LRRTM4: variants seen among roughly 807,000 people sequenced by gnomAD.
LRRTM4 encodes leucine rich repeat transmembrane neuronal 4.
In LRRTM4, 25 loss-of-function variants were observed where a neutral mutation model predicts 47.6. That is an observed-to-expected ratio of 0.53 (90% CI 0.38 to 0.73). The LOEUF is 0.73. LRRTM4 is among the 30% of genes least tolerant of loss of function. The pLI, the probability that LRRTM4 is intolerant of heterozygous loss-of-function variation, is 0.00. For synonymous variants in LRRTM4, 311 were observed against 269.5 expected, an observed-to-expected ratio of 1.15 and a Z score of -1.51; for missense variants, 638 against 713.4, an observed-to-expected ratio of 0.89 and a Z score of 1.20.
intron 3 of LRRTM4, among the ~76,000 whole-genome samples, chr2:76,951,811 G>T (rs1017823253): frequency 4.6e-5 from 7 of 151,432 alleles, no homozygotes; most frequent in African/African-American, 1.5e-4. Context: ...GCCCCAGTGT[G>T]TGATGTTCCC....
intron 3 of LRRTM4, among the ~76,000 whole-genome samples, chr2:76,788,902 G>A (rs1003535173): frequency 1.3e-5 from 2 of 152,130 alleles, no homozygotes; most frequent in Non-Finnish European, 2.9e-5. Context: ...TCTGGATGCA[G>A]TGTTTCCTTT....
intron 3 of LRRTM4, among the ~76,000 whole-genome samples, chr2:76,903,322 G>A (rs1673707668): frequency 6.6e-6 from 1 of 152,100 alleles, no homozygotes; most frequent in Admixed American, 6.6e-5. Context: ...GTATCACGAG[G>A]TCAGGAGATT....
intron 3 of LRRTM4, among the ~76,000 whole-genome samples, chr2:76,890,182 T>C (rs899712361): frequency 2.2e-4 from 33 of 152,126 alleles, no homozygotes; most frequent in African/African-American, 7.9e-4. Context: ...ATGCTGAGAA[T>C]GCAAAGATTC....
At chr2:76,852,274 G>A (rs549007696) in intron 3 of LRRTM4, among the ~76,000 whole-genome samples, 29 of 152,196 alleles carry the variant, frequency 1.9e-4, no homozygotes, top group African/African-American at 6.5e-4. Context: ...ATAAACTGAA[G>A]GTATCATTCA....
intron 3 of LRRTM4, among the ~76,000 whole-genome samples, chr2:77,487,711 A>T (rs568148426): frequency 6.6e-6 from 1 of 152,224 alleles, no homozygotes; most frequent in South Asian, 2.1e-4. Context: ...AAGTCTGGGG[A>T]CCAGGCTGCC....
intron 3 of LRRTM4, among the ~76,000 whole-genome samples, chr2:76,965,185 T>C (rs558464056): frequency 2.6e-4 from 40 of 151,216 alleles, no homozygotes; most frequent in African/African-American, 8.4e-4. Flanking sequence ...AAACTTCCTA[T>C]CACATTCTAT....
intron 3 of LRRTM4, among the ~76,000 whole-genome samples, chr2:77,224,604 T>TA (rs1012922296): frequency 2.0e-5 from 3 of 151,852 alleles, no homozygotes; most frequent in Non-Finnish European, 4.4e-5. Flanking sequence ...AAAAAACACA[T>TA]AAAAAAATGC....
chr2:76,832,001 G>T (rs2103897805), intron 3 of LRRTM4, among the ~76,000 whole-genome samples: 1 of 152,114 alleles, frequency 6.6e-6, no homozygotes, highest in South Asian at 2.1e-4. Flanking sequence ...TATACTGATT[G>T]TTAAAAATAT....
At chr2:77,416,536 CT>C (rs1353230484) in intron 3 of LRRTM4, among the ~76,000 whole-genome samples, 2 of 151,994 alleles carry the variant, frequency 1.3e-5, no homozygotes, top group Non-Finnish European at 2.9e-5. Flanking sequence ...ATTAAAATGG[CT>C]ACAAATTCAT....
At chr2:77,217,468 T>TATATATATATACAC (rs1338917871) in intron 3 of LRRTM4, among the ~76,000 whole-genome samples, 1 of 134,250 alleles carries the variant, frequency 7.4e-6, no homozygotes, top group African/African-American at 2.9e-5. Context: ...TATATATATA[T>TATATATATATACAC]ACTAAGCCTT....
chr2:77,429,744 A>G (rs955803553), intron 3 of LRRTM4, among the ~76,000 whole-genome samples: 2 of 152,162 alleles, frequency 1.3e-5, no homozygotes, highest in African/African-American at 4.8e-5. Flanking sequence ...CAAAGGATAT[A>G]AAATTTCTAT....
At chr2:77,117,155 G>T (rs1015425640) in intron 3 of LRRTM4, among the ~76,000 whole-genome samples, 1 of 151,940 alleles carries the variant, frequency 6.6e-6, no homozygotes, top group African/African-American at 2.4e-5. Flanking sequence ...TTGCTAAATG[G>T]TATTCTTTTG....
At chr2:77,256,295 T>C (rs982450836) in intron 3 of LRRTM4, among the ~76,000 whole-genome samples, 1 of 152,050 alleles carries the variant, frequency 6.6e-6, no homozygotes, top group South Asian at 2.1e-4. Context: ...AAAAAATAAA[T>C]CTCCAGTCTA....
At chr2:77,149,701 C>G (rs185517021) in intron 3 of LRRTM4, among the ~76,000 whole-genome samples, 1 of 152,188 alleles carries the variant, frequency 6.6e-6, no homozygotes, top group Admixed American at 6.6e-5. Context: ...AAGGAAGATG[C>G]ATGTGAGAAG....
intron 3 of LRRTM4, among the ~76,000 whole-genome samples, chr2:77,246,831 A>T (rs572020310): frequency 6.6e-6 from 1 of 152,240 alleles, no homozygotes; most frequent in African/African-American, 2.4e-5. Context: ...ACGCCTATAT[A>T]CATGTATACA....
intron 3 of LRRTM4, among the ~76,000 whole-genome samples, chr2:76,901,642 T>C (rs1208631250): frequency 2.6e-5 from 4 of 152,138 alleles, no homozygotes; most frequent in South Asian, 2.1e-4. Flanking sequence ...TAGAGAAAGA[T>C]ATAAAAGCCC....
At chr2:77,372,796 T>C (rs1234294383) in intron 3 of LRRTM4, among the ~76,000 whole-genome samples, 1 of 151,582 alleles carries the variant, frequency 6.6e-6, no homozygotes. Flanking sequence ...TTTGGTCTTT[T>C]GGGGTAGGGA....
At chr2:77,507,296 ATC>A (rs1354785782) in intron 3 of LRRTM4, among the ~76,000 whole-genome samples, 1 of 152,244 alleles carries the variant, frequency 6.6e-6, no homozygotes, top group East Asian at 1.9e-4. Context: ...TAATTATGTA[ATC>A]TGTTTCAATA....
intron 3 of LRRTM4, among the ~76,000 whole-genome samples, chr2:77,182,414 G>A (rs2103859175): frequency 6.6e-6 from 1 of 152,142 alleles, no homozygotes; most frequent in African/African-American, 2.4e-5. Flanking sequence ...ACACACACTG[G>A]GGCCTGTTGG....
Sources: allele counts gnomAD v4.1 joint callset (sites outside exome capture counted in the v4.1 genomes callset), GRCh38; gene constraint gnomAD v4.1.1; transcripts MANE v1.5; gene names NCBI Gene and HGNC (gene_info 2026-07-23, HGNC 2026-07-21).